ACTR3B: variants seen among roughly 807,000 people sequenced by gnomAD.
ACTR3B encodes the protein actin related protein 3B.
A neutral mutation model predicts 59.0 loss-of-function variants in ACTR3B; 8 were observed. The ratio of observed to expected loss-of-function variants is 0.14; its 90% CI spans 0.08 to 0.24. The LOEUF (loss-of-function observed/expected upper bound fraction) is 0.24. Among genes scored for constraint, ACTR3B ranks in the 10% least tolerant of loss-of-function variants. The pLI, the probability that ACTR3B is intolerant of heterozygous loss-of-function variation, is 1.00. For synonymous variants in ACTR3B, 148 were observed against 197.9 expected, an observed-to-expected ratio of 0.75 and a Z score of 2.12; for missense variants, 245 against 552.3, an observed-to-expected ratio of 0.44 and a Z score of 5.58.
At chr7:152,822,188 G>C (rs994670922) in intron 7 of ACTR3B, among the ~76,000 whole-genome samples, 9 of 152,182 alleles carry the variant, frequency 5.9e-5, no homozygotes, top group Non-Finnish European at 1.2e-4. Flanking sequence ...GTATATCCAA[G>C]ATACCCAGAA....
chr7:152,773,171 C>T (rs527792440), intron 1 of ACTR3B, among the ~76,000 whole-genome samples: 25 of 146,724 alleles, frequency 1.7e-4, no homozygotes, highest in Non-Finnish European at 3.2e-4. Context: ...GACTGTTGCA[C>T]CTGAGATGAC....
intron 10 of ACTR3B, 52 bp downstream of exon 10, chr7:152,852,303 A>T (rs1294089424): frequency 2.6e-6 from 4 of 1,545,418 alleles, no homozygotes; most frequent in Non-Finnish European, 3.5e-6. Flanking sequence ...CCCAGGCCTG[A>T]CCGGGGCCCT....
At chr7:152,772,122 A>G (rs1274125900) in intron 1 of ACTR3B, among the ~76,000 whole-genome samples, 1 of 152,158 alleles carries the variant, frequency 6.6e-6, no homozygotes, top group African/African-American at 2.4e-5. Context: ...ATATTTAAGC[A>G]GGAAAAAAGC....
chr7:152,837,722 G>A (rs905087472), intron 9 of ACTR3B, among the ~76,000 whole-genome samples: 21 of 152,232 alleles, frequency 1.4e-4, no homozygotes, highest in Non-Finnish European at 2.8e-4. Context: ...ATTGGATTGT[G>A]TGTTGGTAAT....
At chr7:152,853,434 GA>G in intron 10 of ACTR3B, 59 bp from the exon 11 acceptor site, 1 of 1,522,428 alleles carries the variant, frequency 6.6e-7, no homozygotes. Flanking sequence ...TCAGCCGGGG[GA>G]TGATTAGATC....
chr7:152,844,840 T>TC (rs1396035181), intron 9 of ACTR3B, among the ~76,000 whole-genome samples: 2 of 144,208 alleles, frequency 1.4e-5, no homozygotes, highest in African/African-American at 5.0e-5. Context: ...TTAATGTGAG[T>TC]CTGATTGTAT....
intron 2 of ACTR3B, chr7:152,786,553 GAA>G (rs113248599): frequency 8.3e-5 from 8 of 96,886 alleles, no homozygotes; most frequent in South Asian, 3.5e-4. Context: ...GTTCCGTCTC[GAA>G]AAAAAAAAAA....
intron 7 of ACTR3B, among the ~76,000 whole-genome samples, chr7:152,821,511 C>T (rs944208973): frequency 2.0e-5 from 3 of 152,140 alleles, no homozygotes; most frequent in African/African-American, 7.2e-5. Flanking sequence ...TTATTGACGC[C>T]CAGGGTCCAC....
intron 2 of ACTR3B, among the ~76,000 whole-genome samples, chr7:152,792,890 C>T (rs2098201806): frequency 6.6e-6 from 1 of 152,050 alleles, no homozygotes; most frequent in Non-Finnish European, 1.5e-5. Flanking sequence ...TTGATTTGCT[C>T]TATTCTCGGG....
chr7:152,806,513 A>G (rs1318447489), intron 4 of ACTR3B, among the ~76,000 whole-genome samples: 2 of 152,212 alleles, frequency 1.3e-5, no homozygotes, highest in African/African-American at 4.8e-5. Flanking sequence ...TCCAGTGCTG[A>G]TATGGCAGCT....
chr7:152,807,560 A>G (rs1355027440), intron 4 of ACTR3B, among the ~76,000 whole-genome samples: 1 of 152,166 alleles, frequency 6.6e-6, no homozygotes. Context: ...GGAGTTCAGC[A>G]GTGTTAGTAA....
At chr7:152,822,767 G>T (rs1205498595) in intron 7 of ACTR3B, among the ~76,000 whole-genome samples, 8 of 152,216 alleles carry the variant, frequency 5.3e-5, no homozygotes, top group Admixed American at 1.3e-4. Flanking sequence ...ACTGTCTCTA[G>T]GCAAAGAGAT....
At position 152,824,599 on chromosome 7, in the gene ACTR3B, TTTAA is replaced by T. The variant is rs1399304597; in HGVS notation, c.859-425_859-422del. Among the ~76,000 whole-genome samples the T allele has an allele frequency of 6.6e-6, 1 of 152,216 alleles. No individual in the cohort carries two copies. The highest frequency in any genetic ancestry group is 2.4e-5 in the African/African-American group (1 of 41,456). On this transcript the variant is annotated intron_variant, in intron 8 of 11. Coordinates refer to ENST00000256001, the MANE Select transcript of ACTR3B (RefSeq NM_020445.6). This position sits in a 1 kb window ranked among gnomAD's most constrained non-coding sequence, Gnocchi z 4.2. The stretch of plus-strand genomic sequence containing the variant: ...ACTTCCCTGCATCTTCTAGACCAGG[TTTAA>T]TTAATCTTTCATTGAACCTATTTCT...
chr7:152,788,299 A>G (rs116380384), intron 2 of ACTR3B, among the ~76,000 whole-genome samples: 3,782 of 152,138 alleles, frequency 0.025, 140 homozygotes, highest in African/African-American at 0.084. Context: ...TTTGACGTCA[A>G]ATTTGACTTT....
rs572095215 is a variant in ACTR3B at position 152,807,308 on chromosome 7, T to G, written c.336+5577T>G. 1.8e-4 allele frequency among the ~76,000 whole-genome samples: 27 copies of G among 152,106 alleles called. No individual in the cohort carries two copies. In the South Asian group the frequency reaches 5.2e-3, roughly 29 times the overall value. On this transcript the variant is annotated intron_variant, in intron 4 of 11. Coordinates refer to ENST00000256001, the MANE Select transcript of ACTR3B (RefSeq NM_020445.6). ...ACATTTAGTATATTTTCATTTAATCTTTTTACCCATTTTTAAAATGATTTT... is the reference window on the plus strand; with the variant it reads ...ACATTTAGTATATTTTCATTTAATCGTTTTACCCATTTTTAAAATGATTTT...
At chr7:152,849,424 C>T (rs948431479) in intron 9 of ACTR3B, among the ~76,000 whole-genome samples, 20 of 152,308 alleles carry the variant, frequency 1.3e-4, no homozygotes, top group African/African-American at 4.6e-4. Flanking sequence ...AGGCCAAGCC[C>T]AGATCCTCCC....
intron 9 of ACTR3B, among the ~76,000 whole-genome samples, chr7:152,851,581 C>T (rs1331102793): frequency 1.3e-5 from 2 of 152,236 alleles, no homozygotes; most frequent in Admixed American, 6.5e-5. Flanking sequence ...TCCCCTTCCT[C>T]AGCCCCCCAC....
rs540542791 is a variant in ACTR3B, at chr7:152,830,699, C to T, written c.951+5577C>T. 1.1e-3 allele frequency among the ~76,000 whole-genome samples: 164 copies of T among 152,050 alleles called. 1 individual carries two copies. The highest frequency in any genetic ancestry group is 3.6e-3 in the African/African-American group (148 of 41,482). ...AAGTAGCTGGAACTACAGGTGTGGG[C>T]GACCACTTGCAGCTAATTAAAAATT... is the stretch of plus-strand genomic sequence containing the variant. On this transcript the variant is annotated intron_variant, in intron 9 of 11. Transcript: ENST00000256001.
chr7:152,842,801 G>T (rs770376506), intron 9 of ACTR3B, among the ~76,000 whole-genome samples: 11 of 152,206 alleles, frequency 7.2e-5, no homozygotes, highest in Non-Finnish European at 1.5e-4. Context: ...GTACCCAGGA[G>T]TGCAGTTGCT....
Sources: allele counts gnomAD v4.1 joint callset (sites outside exome capture counted in the v4.1 genomes callset), GRCh38; gene constraint gnomAD v4.1.1; non-coding constraint Gnocchi (gnomAD v3.1); transcripts MANE v1.5; gene names NCBI Gene and HGNC (gene_info 2026-07-23, HGNC 2026-07-21).